Variants in CMTR2 observed in about 807,000 individuals in gnomAD.
CMTR2 encodes the protein cap methyltransferase 2, also known as cap-specific mRNA (nucleoside-2'-O-)-methyltransferase 2.
Under a neutral mutation model 49.8 loss-of-function variants are expected in CMTR2, and 40 were observed. That is an observed-to-expected ratio of 0.80 (90% CI 0.62 to 1.04). The LOEUF is 1.04. Among genes scored for constraint, CMTR2 ranks in the 50% least tolerant of loss-of-function variants. CMTR2 has a pLI of 0.00. For synonymous variants in CMTR2, 326 were observed against 315.8 expected, an observed-to-expected ratio of 1.03 and a Z score of -0.34; for missense variants, 907 against 897.2, an observed-to-expected ratio of 1.01 and a Z score of -0.14.
rs1268479198 is a variant in CMTR2, at chr16:71,288,884, G to A, written c.-26C>T. 2 of 152,216 alleles carry A rather than the reference G, an allele frequency of 1.3e-5. No individual in the cohort carries two copies. Among genetic ancestry groups the A allele is most frequent in the Non-Finnish European group, 2.9e-5 (2 of 68,070 alleles). 9.4% of individuals were successfully genotyped at this position (152,216 alleles called of 1,614,324 possible). ...TCTCATCAACAGTTTTTACCTCACAGCTGACACTTATAAAGGAGTTCCAAG... is the reference window on the plus strand; with the variant it reads ...TCTCATCAACAGTTTTTACCTCACAACTGACACTTATAAAGGAGTTCCAAG... On this transcript the variant is annotated 5_prime_UTR_variant, in exon 2 of 3. Coordinates refer to ENST00000434935, the MANE Select transcript of CMTR2 (RefSeq NM_018348.6).
At position 71,281,977 on chromosome 16, in the gene CMTR2, G is replaced by A. The variant is rs775712651; in HGVS notation, c.*1631C>T. On this transcript the variant is annotated 3_prime_UTR_variant, in exon 3 of 3. Transcript: ENST00000434935. ...AAGAGTGTTTTTTTTTTTCCTCCTGGTAATCAACCTTCTGTCAGACTTCCA... is the reference window on the plus strand; with the variant it reads ...AAGAGTGTTTTTTTTTTTCCTCCTGATAATCAACCTTCTGTCAGACTTCCA... 1 of 150,070 alleles carries A rather than the reference G, an allele frequency of 6.7e-6. No individual in the cohort carries two copies. Among genetic ancestry groups the A allele is most frequent in the Non-Finnish European group, 1.5e-5 (1 of 67,462 alleles). 9.3% of individuals were successfully genotyped at this position (150,070 alleles called of 1,614,324 possible). A position where few individuals can be genotyped will look rare whatever the true frequency, so the allele number is the denominator to read the frequency against.
rs2041642306 is a variant in CMTR2 at position 71,283,299 on chromosome 16, AT to A, written c.*308del. ...GTACACAGATGCAAATCTTAAGCAGATTAAGTAAGACCAACTAAATGGCATA... is the reference window on the plus strand; with the variant it reads ...GTACACAGATGCAAATCTTAAGCAGATAAGTAAGACCAACTAAATGGCATA... On this transcript the variant is annotated 3_prime_UTR_variant, in exon 3 of 3. Transcript: ENST00000434935. 3.6e-6 allele frequency: 1 copy of A among 280,246 alleles called. No homozygotes were observed. The highest frequency in any genetic ancestry group is 4.8e-5 in the Admixed American group (1 of 20,774). 17.4% of individuals were successfully genotyped at this position (280,246 alleles called of 1,614,324 possible). A position where few individuals can be genotyped will look rare whatever the true frequency, so the allele number is the denominator to read the frequency against.
At chr16:71,287,997 A>C (rs2041759215) in intron 2 of CMTR2, 1 of 152,212 alleles carries the variant, frequency 6.6e-6, no homozygotes, top group African/African-American at 2.4e-5. Context: ...AAGCTGTGAA[A>C]CCTTACCTAA....
At position 71,284,214 on chromosome 16, in the gene CMTR2, C is replaced by T. The variant is rs2041670198; in HGVS notation, c.1707G>A (p.Glu569=). 6.2e-7 allele frequency: 1 copy of T among 1,613,878 alleles called. No individual in the cohort carries two copies. Among genetic ancestry groups the T allele is most frequent in the Non-Finnish European group, 8.5e-7 (1 of 1,179,950 alleles). Residue 569 remains glutamate (E), a synonymous_variant, in exon 3 of 3, where the codon GAG becomes GAA. Coordinates refer to ENST00000434935, the MANE Select transcript of CMTR2 (RefSeq NM_018348.6). ...TTTGATTGCTGGGTACTACAACCTG[C>T]TCATCCTGAAGGCACTCAGTAAGGC... ...LCSLTECLQD[E]QVVVPSNQIK... is the part of the protein sequence containing the mutation.
Position 71,285,007 on chromosome 16 carries a change from GTA to G in CMTR2, c.912_913del (p.Thr305Ter). 1 of 1,613,900 alleles carries G rather than the reference GTA, an allele frequency of 6.2e-7. No homozygotes were observed. The highest frequency in any genetic ancestry group is 8.5e-7 in the Non-Finnish European group (1 of 1,179,942). ...GACTTCGGAGTTTCCTGCCTTGCTA[GTA>G]GCAGGTTTGAAAACATGGACTTGGT... is the stretch of plus-strand genomic sequence containing the variant. On this transcript the variant is annotated frameshift_variant, in exon 3 of 3. Transcript: ENST00000434935. LOFTEE classifies it high-confidence loss of function.
Position 71,285,900 on chromosome 16 carries a change from T to G in CMTR2, c.21A>C (p.Thr7=). The part of the protein sequence containing the change: MSKCRK[T]PVQQLASPAS... ...CGGGACTTGCTAGCTGCTGAACTGG[T>G]GTCTTTCTGCACTTACTCATTTTCA... Residue 7 remains threonine (T), a synonymous_variant, in exon 3 of 3, where the codon ACA becomes ACC. Coordinates refer to ENST00000434935, the MANE Select transcript of CMTR2 (RefSeq NM_018348.6). 6.3e-7 allele frequency: 1 copy of G among 1,590,086 alleles called. No homozygotes were observed. The highest frequency in any genetic ancestry group is 1.4e-5 in the African/African-American group (1 of 73,960).
Position 71,284,122 on chromosome 16 carries a change from C to G in CMTR2, c.1799G>C (p.Arg600Pro). 1.2e-6 allele frequency: 2 copies of G among 1,613,994 alleles called. No homozygotes were observed. The highest frequency in any genetic ancestry group is 1.7e-6 in the Non-Finnish European group (2 of 1,179,906). ...NIKMHIPLEV[R>P]LLESAELTTF... is the part of the protein sequence containing the mutation. ...TGTGAGTTCAGCTGATTCTAGGAGTCGAACTTCCAACGGTATATGCATTTT... is the reference window on the plus strand; with the variant it reads ...TGTGAGTTCAGCTGATTCTAGGAGTGGAACTTCCAACGGTATATGCATTTT... Residue 600 changes from arginine (R) to proline (P), a missense_variant, in exon 3 of 3, where the codon CGA becomes CCA. Physicochemically the swap from Arg to Pro is moderately radical, Grantham distance 103 (BLOSUM62 -2). Transcript: ENST00000434935.
chr16:71,285,608 A>T lies in CMTR2; in HGVS notation c.313T>A (p.Ser105Thr), dbSNP rs2041710474. The T allele has an allele frequency of 1.2e-6, 2 of 1,614,032 alleles. No individual in the cohort carries two copies. The highest frequency in any genetic ancestry group is 2.2e-5 in the South Asian group (2 of 91,082). Residue 105 changes from serine to threonine, a missense_variant, in exon 3 of 3, where the codon TCT (serine) becomes ACT (threonine). By Grantham distance (58) the Ser-to-Thr change is moderately conservative. Transcript: ENST00000434935. Reference protein sequence around the residue: ...AGKIISHVRKSVNAELCTQAW... With the variant: ...AGKIISHVRKTVNAELCTQAW... The stretch of plus-strand genomic sequence containing the variant: ...TGAGTACAAAGTTCAGCATTCACAG[A>T]TTTTCTAACATGAGAAATGATTTTC...
In CMTR2 at chr16:71,283,745, G is replaced by T; in HGVS notation, c.2176C>A (p.Pro726Thr). Residue 726 changes from proline (P) to threonine (T), a missense_variant, in exon 3 of 3, where the codon CCA becomes ACA. Coordinates refer to ENST00000434935, the MANE Select transcript of CMTR2 (RefSeq NM_018348.6). Reference protein sequence around the residue: ...DSPQQVLQFVPMEVLLKGALL... With the variant: ...DSPQQVLQFVTMEVLLKGALL... The stretch of plus-strand genomic sequence containing the variant: ...GCCCCCTTAAGGAGTACCTCCATTG[G>T]CACAAACTGTAAAACCTGCTGGGGT... 1 of 1,613,878 alleles carries T rather than the reference G, an allele frequency of 6.2e-7. No homozygotes were observed. The highest frequency in any genetic ancestry group is 8.5e-7 in the Non-Finnish European group (1 of 1,179,878).
At position 71,285,003 on chromosome 16, in the gene CMTR2, G is replaced by C. The variant is rs770311912; in HGVS notation, c.918C>G (p.Ser306Arg). The part of the protein sequence containing the change: ...DQVHVFKPAT[S>R]KAGNSEVYVV... ...CATAGACTTCGGAGTTTCCTGCCTT[G>C]CTAGTAGCAGGTTTGAAAACATGGA... Residue 306 changes from serine (S) to arginine (R), a missense_variant, in exon 3 of 3, where the codon AGC (serine) becomes AGG (arginine). Ser to Arg is a moderately radical substitution (Grantham distance 110, BLOSUM62 -1). Coordinates refer to ENST00000434935, the MANE Select transcript of CMTR2 (RefSeq NM_018348.6). The C allele has an allele frequency of 3.2e-5, 52 of 1,613,826 alleles. No individual in the cohort carries two copies. The highest frequency in any genetic ancestry group is 4.3e-5 in the Non-Finnish European group (51 of 1,179,950).
Position 71,283,474 on chromosome 16 carries a change from A to C in CMTR2, c.*134T>G. ...AGATCAGAATGGATGGTTTTCCAGAATTAATGAGACTTTGAATGATGCAAA... is the reference window on the plus strand; with the variant it reads ...AGATCAGAATGGATGGTTTTCCAGACTTAATGAGACTTTGAATGATGCAAA... On this transcript the variant is annotated 3_prime_UTR_variant, in exon 3 of 3. Coordinates refer to ENST00000434935, the MANE Select transcript of CMTR2 (RefSeq NM_018348.6). The C allele has an allele frequency of 9.2e-7, 1 of 1,090,512 alleles. No individual in the cohort carries two copies. The highest frequency in any genetic ancestry group is 1.3e-6 in the Non-Finnish European group (1 of 773,644). 67.6% of individuals were successfully genotyped at this position (1,090,512 alleles called of 1,614,324 possible).
rs2041644134 is a variant in CMTR2, at chr16:71,283,383, A to G, written c.*225T>C. Reference sequence around the variant, plus strand: ...CACACACCTCATATTTAGAGTGTGAATATCTATCATTGCATAGATTCCACC... The same window carrying G: ...CACACACCTCATATTTAGAGTGTGAGTATCTATCATTGCATAGATTCCACC... On this transcript the variant is annotated 3_prime_UTR_variant, in exon 3 of 3. Coordinates refer to ENST00000434935, the MANE Select transcript of CMTR2 (RefSeq NM_018348.6). The G allele has an allele frequency of 7.2e-6, 4 of 556,402 alleles. No individual in the cohort carries two copies. The highest frequency in any genetic ancestry group is 4.9e-5 in the South Asian group (2 of 41,180). The allele number at this position is 556,402 out of a possible 1,614,324, so 34.5% of individuals were successfully genotyped here. A position where few individuals can be genotyped will look rare whatever the true frequency, so the allele number is the denominator to read the frequency against.
chr16:71,285,545 G>A lies in CMTR2; in HGVS notation c.376C>T (p.Pro126Ser). ...TGAAAAGCTTCCTGTGGAATAAGTG[G>A]AAAGCTGCACAAAATCTCATGGAAC... ...CKFHEILCSF[P>S]LIPQEAFQNG... Residue 126 changes from proline (P) to serine (S), a missense_variant, in exon 3 of 3, where the codon CCA becomes TCA. Physicochemically the swap from Pro to Ser is moderately conservative, Grantham distance 74 (BLOSUM62 -1). Coordinates refer to ENST00000434935, the MANE Select transcript of CMTR2 (RefSeq NM_018348.6). The A allele has an allele frequency of 6.2e-7, 1 of 1,613,996 alleles. No homozygotes were observed. Among genetic ancestry groups the A allele is most frequent in the Non-Finnish European group, 8.5e-7 (1 of 1,179,952 alleles).
At chr16:71,289,013 AG>A (rs1305940688) in intron 1 of CMTR2, 76 bp from the exon 2 acceptor site, 2 of 152,184 alleles carry the variant, frequency 1.3e-5, no homozygotes, top group Non-Finnish European at 2.9e-5. Flanking sequence ...CATCTAGTGA[AG>A]TAAGTCCCAA....
chr16:71,283,383 ATAT>A lies in CMTR2; in HGVS notation c.*222_*224del. ...CACACACCTCATATTTAGAGTGTGA[ATAT>A]CTATCATTGCATAGATTCCACCACG... On this transcript the variant is annotated 3_prime_UTR_variant, in exon 3 of 3. Coordinates refer to ENST00000434935, the MANE Select transcript of CMTR2 (RefSeq NM_018348.6). 1.8e-6 allele frequency: 1 copy of A among 556,520 alleles called. No homozygotes were observed. Among genetic ancestry groups the A allele is most frequent in the South Asian group, 2.4e-5 (1 of 41,176 alleles). 34.5% of individuals were successfully genotyped at this position (556,520 alleles called of 1,614,324 possible). A position where few individuals can be genotyped will look rare whatever the true frequency, so the allele number is the denominator to read the frequency against.
chr16:71,281,400 T>C lies in CMTR2; in HGVS notation c.*2208A>G, dbSNP rs2041609360. The C allele has an allele frequency of 6.6e-6, 1 of 151,988 alleles. No homozygotes were observed. The highest frequency in any genetic ancestry group is 1.5e-5 in the Non-Finnish European group (1 of 67,852). The allele number at this position is 151,988 out of a possible 1,614,324, so 9.4% of individuals were successfully genotyped here. ...GATTACAAAGGAAACAATTTGATGT[T>C]TGTTTTTTAATAGATATTACAAATT... On this transcript the variant is annotated 3_prime_UTR_variant, in exon 3 of 3. Transcript: ENST00000434935.
chr16:71,284,004 T>G lies in CMTR2; in HGVS notation c.1917A>C (p.Thr639=). The G allele has an allele frequency of 2.5e-6, 4 of 1,613,738 alleles. No homozygotes were observed. Among genetic ancestry groups the G allele is most frequent in the Non-Finnish European group, 3.4e-6 (4 of 1,179,658 alleles). ...GTACAGGCAAAATCATAACATCTCC[T>G]GTATGAAGCTCCCGCAATGAATGTA... ...CLLHSLRELH[T]GDVMILPVLS... Residue 639 remains threonine, a synonymous_variant, in exon 3 of 3, where the codon ACA becomes ACC. Coordinates refer to ENST00000434935, the MANE Select transcript of CMTR2 (RefSeq NM_018348.6).
At position 71,284,332 on chromosome 16, in the gene CMTR2, GCTC is replaced by G. The variant is rs771408358; in HGVS notation, c.1586_1588del (p.Gly529del). ...CCTAAACTTGGAATCCAAATTAAAAGCTCCTCCTAATGACTTTTCAATTGCTTC... is the reference window on the plus strand; with the variant it reads ...CCTAAACTTGGAATCCAAATTAAAAGCTCCTAATGACTTTTCAATTGCTTC... On this transcript the variant is annotated inframe_deletion, in exon 3 of 3. Coordinates refer to ENST00000434935, the MANE Select transcript of CMTR2 (RefSeq NM_018348.6). The G allele has an allele frequency of 1.9e-6, 3 of 1,613,564 alleles. No individual in the cohort carries two copies. The highest frequency in any genetic ancestry group is 8.5e-7 in the Non-Finnish European group (1 of 1,179,864).
At chr16:71,286,063 C>A in intron 2 of CMTR2, 124 bp from the exon 3 acceptor site, 1 of 651,164 alleles carries the variant, frequency 1.5e-6, no homozygotes, top group Non-Finnish European at 2.4e-6. Flanking sequence ...TCAGCATACT[C>A]TGTTATTTAA....
Sources: allele counts gnomAD v4.1 joint callset, GRCh38; gene constraint gnomAD v4.1.1; transcripts MANE v1.5; gene names NCBI Gene and HGNC (gene_info 2026-07-23, HGNC 2026-07-21).